CTDSPL2: variants seen among roughly 807,000 people sequenced by gnomAD.
CTDSPL2 encodes the protein CTD small phosphatase-like protein 2.
In CTDSPL2, 5 loss-of-function variants were observed where a neutral mutation model predicts 60.0. The observed-to-expected ratio is 0.08, with a 90% CI of 0.04 to 0.18. CTDSPL2 has a LOEUF of 0.18. Ranked by LOEUF, CTDSPL2 falls within the 10% of genes least tolerant of loss-of-function variation. The pLI, the probability that CTDSPL2 is intolerant of heterozygous loss-of-function variation, is 1.00. For synonymous variants in CTDSPL2, 186 were observed against 189.3 expected (o/e 0.98, Z 0.14); for missense variants, 370 against 548.8 (o/e 0.67, Z 3.26).
intron 2 of CTDSPL2, among the ~76,000 whole-genome samples, chr15:44,480,188 C>G (rs2081000087): frequency 1.3e-5 from 2 of 152,094 alleles, no homozygotes; most frequent in South Asian, 2.1e-4. Context: ...GCCATAGACC[C>G]CCTATGCTAT....
chr15:44,465,980 G>T (rs2080679496), intron 2 of CTDSPL2, among the ~76,000 whole-genome samples: 1 of 151,268 alleles, frequency 6.6e-6, no homozygotes. Flanking sequence ...TCTCACCCAG[G>T]CTGGAGTGCA....
At chr15:44,474,984 AAATAAAT>A (rs1460751449) in intron 2 of CTDSPL2, among the ~76,000 whole-genome samples, 1 of 152,130 alleles carries the variant, frequency 6.6e-6, no homozygotes, top group Admixed American at 6.6e-5. Flanking sequence ...GAAAGACAAT[AAATAAAT>A]AATAAATAAA....
chr15:44,483,834 T>G (rs2081072991), intron 2 of CTDSPL2, among the ~76,000 whole-genome samples: 1 of 152,182 alleles, frequency 6.6e-6, no homozygotes, highest in South Asian at 2.1e-4. Flanking sequence ...TGCCAGCACA[T>G]TCAGTGGGGC....
At chr15:44,493,965 A>T (rs966987788) in intron 5 of CTDSPL2, among the ~76,000 whole-genome samples, 1 of 152,192 alleles carries the variant, frequency 6.6e-6, no homozygotes, top group Non-Finnish European at 1.5e-5. Context: ...CATACACACC[A>T]CGTTGACTCT....
At position 44,528,938 on chromosome 15, in the gene CTDSPL2, C is replaced by T. The variant is rs557404802; in HGVS notation, c.*4764C>T. 7 of 152,168 alleles carry T rather than the reference C, an allele frequency of 4.6e-5. No homozygotes were observed. The highest frequency in any genetic ancestry group is 3.4e-3 in the Middle Eastern group (1 of 292). 9.4% of individuals were successfully genotyped at this position (152,168 alleles called of 1,614,324 possible). On this transcript the variant is annotated 3_prime_UTR_variant, in exon 13 of 13. Transcript: ENST00000260327. ...CTTCTTATTTACTATGCAGTATAGC[C>T]GTGAACAAGTAATGTAGATTTAGTT...
At chr15:44,523,023 A>T (rs2140875892) in intron 12 of CTDSPL2, among the ~76,000 whole-genome samples, 1 of 151,922 alleles carries the variant, frequency 6.6e-6, no homozygotes, top group East Asian at 2.0e-4. Flanking sequence ...TTGAGACAGG[A>T]TCTTGTGCTT....
chr15:44,485,069 A>AT (rs887523400), intron 3 of CTDSPL2, among the ~76,000 whole-genome samples: 5 of 152,192 alleles, frequency 3.3e-5, no homozygotes, highest in East Asian at 3.9e-4. Flanking sequence ...ACTAGGGGTG[A>AT]TTTTTTCCTC....
intron 2 of CTDSPL2, among the ~76,000 whole-genome samples, chr15:44,460,921 A>G (rs1202263083): frequency 2.0e-5 from 3 of 152,134 alleles, no homozygotes; most frequent in Non-Finnish European, 4.4e-5. Context: ...GCTACGTATT[A>G]TTACTTCATT....
chr15:44,444,210 A>G (rs1356891188), intron 1 of CTDSPL2, among the ~76,000 whole-genome samples: 1 of 151,382 alleles, frequency 6.6e-6, no homozygotes, highest in Non-Finnish European at 1.5e-5. Flanking sequence ...GGGTTTTGAC[A>G]CCCAATTTAT....
intron 2 of CTDSPL2, among the ~76,000 whole-genome samples, chr15:44,473,679 G>T (rs529364286): frequency 6.6e-6 from 1 of 152,314 alleles, no homozygotes; most frequent in South Asian, 2.1e-4. Flanking sequence ...TGTGAGGTAA[G>T]AAGTCATCTT....
intron 1 of CTDSPL2, among the ~76,000 whole-genome samples, chr15:44,442,446 CAA>C (rs553756112): frequency 5.3e-4 from 32 of 60,674 alleles, no homozygotes; most frequent in Admixed American, 3.8e-4. Flanking sequence ...GACTCTGTCT[CAA>C]AAAAAAAAAA....
chr15:44,435,844 T>C (rs954648313), intron 1 of CTDSPL2, among the ~76,000 whole-genome samples: 1 of 152,040 alleles, frequency 6.6e-6, no homozygotes, highest in Non-Finnish European at 1.5e-5. Flanking sequence ...AGACCTCAAG[T>C]GGTCCACCCG....
intron 1 of CTDSPL2, among the ~76,000 whole-genome samples, chr15:44,430,404 C>T (rs2079833146): frequency 6.6e-6 from 1 of 152,028 alleles, no homozygotes; most frequent in African/African-American, 2.4e-5. Flanking sequence ...TGCTACCACA[C>T]CTGGCTAATT....
At chr15:44,510,316 GAT>G (rs2081544579) in intron 8 of CTDSPL2, among the ~76,000 whole-genome samples, 1 of 152,046 alleles carries the variant, frequency 6.6e-6, no homozygotes, top group African/African-American at 2.4e-5. Flanking sequence ...CTCTTTTACA[GAT>G]ATTCTGATAG....
At chr15:44,506,412 CTTTT>C (rs764238056) in intron 8 of CTDSPL2, among the ~76,000 whole-genome samples, 11 of 112,390 alleles carry the variant, frequency 9.8e-5, no homozygotes, top group African/African-American at 2.9e-4. Context: ...CCTACTTTGA[CTTTT>C]TTTTTTTTTT....
chr15:44,521,526 A>G, intron 12 of CTDSPL2, 120 bp downstream of exon 12: 1 of 535,626 alleles, frequency 1.9e-6, no homozygotes, highest in Non-Finnish European at 3.2e-6. Context: ...GAGCCAGGTC[A>G]CAGGTGCCAT....
intron 6 of CTDSPL2, among the ~76,000 whole-genome samples, chr15:44,496,803 G>A (rs556692614): frequency 6.6e-6 from 1 of 152,304 alleles, no homozygotes; most frequent in East Asian, 1.9e-4. Flanking sequence ...AGAGGTTACA[G>A]TGACCTGTGA....
chr15:44,441,213 A>G (rs185379603), intron 1 of CTDSPL2, among the ~76,000 whole-genome samples: 368 of 152,012 alleles, frequency 2.4e-3, no homozygotes, highest in Non-Finnish European at 3.6e-3. Context: ...CTTCCCCTAC[A>G]GTGGTAGAGT....
intron 8 of CTDSPL2, among the ~76,000 whole-genome samples, chr15:44,511,874 A>AC (rs916425509): frequency 6.0e-5 from 9 of 150,396 alleles, no homozygotes; most frequent in African/African-American, 2.2e-4. Context: ...TCGCAAAAAA[A>AC]AAAAAAAAAA....
Sources: allele counts gnomAD v4.1 joint callset (sites outside exome capture counted in the v4.1 genomes callset), GRCh38; gene constraint gnomAD v4.1.1; transcripts MANE v1.5; gene names NCBI Gene and HGNC (gene_info 2026-07-23, HGNC 2026-07-21).